The following VPS16 variants were observed in gnomAD, a reference collection of about 807,000 sequenced individuals.
VPS16 encodes VPS16 core subunit of CORVET and HOPS complexes, also known as vacuolar protein sorting-associated protein 16 homolog.
In VPS16, 82 loss-of-function variants were observed where a neutral mutation model predicts 116.0. That is an observed-to-expected ratio of 0.71 (90% CI 0.59 to 0.85). VPS16 has a LOEUF of 0.85. VPS16 is among the 40% of genes least tolerant of loss of function. The probability of loss-of-function intolerance (pLI) is 0.00; values close to 1 mark genes in which losing one functional copy is unlikely to be tolerated. For missense variants in VPS16, 928 were observed against 1,090.6 expected, an observed-to-expected ratio of 0.85 and a Z score of 2.10; for synonymous variants, 406 against 420.7, an observed-to-expected ratio of 0.96 and a Z score of 0.43.
rs74376700 is a variant in VPS16, at chr20:2,855,909, C to T, written c.54-3810C>T. On this transcript the variant is annotated intron_variant, in intron 1 of 23. Coordinates refer to ENST00000380445, the MANE Select transcript of VPS16 (RefSeq NM_022575.4). ...AGTTCACTAAAACTTTCTCCTTACCCGCAAAAAGGCTACTTTGCTTTCTTA... is the reference window on the plus strand; with the variant it reads ...AGTTCACTAAAACTTTCTCCTTACCTGCAAAAAGGCTACTTTGCTTTCTTA... Among the ~76,000 whole-genome samples the T allele has an allele frequency of 9.7e-3, 1,475 of 152,294 alleles. 27 individuals carry two copies. The highest frequency in any genetic ancestry group is 0.029 in the South Asian group (141 of 4,832).
chr20:2,846,110 C>T lies in VPS16; in HGVS notation c.53+5283C>T, dbSNP rs189301908. 4.6e-3 allele frequency among the ~76,000 whole-genome samples: 656 copies of T among 141,512 alleles called. 5 individuals are homozygous for T. The highest frequency in any genetic ancestry group is 0.017 in the African/African-American group (624 of 37,122). 92.8% of individuals were successfully genotyped at this position (141,512 alleles called of 152,430 possible). A position where few individuals can be genotyped will look rare whatever the true frequency, so the allele number is the denominator to read the frequency against. On this transcript the variant is annotated intron_variant, in intron 1 of 23. Transcript: ENST00000380445. The stretch of plus-strand genomic sequence containing the variant: ...TATCTATTCAATATTTTCTGTACTC[C>T]GCTTTTTTTTTTTTTTTTTTTTTTG...
rs755181472 is a variant in VPS16 at position 2,860,311 on chromosome 20, G to T, written c.313G>T (p.Ala105Ser). 1 of 1,614,108 alleles carries T rather than the reference G, an allele frequency of 6.2e-7. No individual in the cohort carries two copies. Among genetic ancestry groups the T allele is most frequent in the South Asian group, 1.1e-5 (1 of 91,074 alleles). The change falls in exon 4 of 24, where the codon GCT (alanine) becomes TCT (serine). Residue 105 changes from alanine to serine, a missense_variant. Coordinates refer to ENST00000380445, the MANE Select transcript of VPS16 (RefSeq NM_022575.4). This position sits in a 1 kb window ranked among gnomAD's most constrained non-coding sequence, Gnocchi z 6.1. ...EELLCVQEDGAVLVYGLHGDF... is the reference protein window; with the variant it reads ...EELLCVQEDGSVLVYGLHGDF... ...GCTGCTCTGTGTGCAGGAAGATGGT[G>T]CTGTACTGGTTTATGGGCTTCATGG...
At position 2,861,841 on chromosome 20, in the gene VPS16, G is replaced by C. The variant is rs1490321006; in HGVS notation, c.936G>C (p.Glu312Asp). The C allele has an allele frequency of 6.2e-7, 1 of 1,613,970 alleles. No homozygotes were observed. The highest frequency in any genetic ancestry group is 2.2e-5 in the East Asian group (1 of 44,870). Residue 312 changes from glutamate (E) to aspartate (D), a missense_variant, in exon 10 of 24, where the codon GAG (glutamate) becomes GAC (aspartate). By Grantham distance (45) the Glu-to-Asp change is conservative. Transcript: ENST00000380445. ...VLDEDSYLVPELDGVRIFSRS... is the reference protein window; with the variant it reads ...VLDEDSYLVPDLDGVRIFSRS... Reference sequence around the variant, plus strand: ...ATGAGGACTCCTACCTGGTGCCTGAGCTCGATGGGGTCCGCATCTTCTCCC... The same window carrying C: ...ATGAGGACTCCTACCTGGTGCCTGACCTCGATGGGGTCCGCATCTTCTCCC...
At chr20:2,857,759 G>A (rs955152208) in intron 1 of VPS16, among the ~76,000 whole-genome samples, 4 of 152,116 alleles carry the variant, frequency 2.6e-5, no homozygotes, top group African/African-American at 9.7e-5. Flanking sequence ...TCCCCAGGCT[G>A]GAGTGCAGTG....
Position 2,863,973 on chromosome 20 carries a change from G to A in VPS16, c.1501G>A (p.Glu501Lys), listed in dbSNP as rs768961353. 1.2e-6 allele frequency: 2 copies of A among 1,614,122 alleles called. No individual in the cohort carries two copies. Among genetic ancestry groups the A allele is most frequent in the South Asian group, 1.1e-5 (1 of 91,088 alleles). Reference sequence around the variant, plus strand: ...GGTGCAACAGAAGGATGTCTCAGATGAGGATGTGGCTCGAGCCATTAACCA... The same window carrying A: ...GGTGCAACAGAAGGATGTCTCAGATAAGGATGTGGCTCGAGCCATTAACCA... ...YKVQQKDVSD[E>K]DVARAINQKL... Residue 501 changes from glutamate (E) to lysine (K), a missense_variant, in exon 16 of 24, where the codon GAG becomes AAG. Coordinates refer to ENST00000380445, the MANE Select transcript of VPS16 (RefSeq NM_022575.4). This position sits in a 1 kb window ranked among gnomAD's most constrained non-coding sequence, Gnocchi z 4.4.
At chr20:2,866,098 T>G in intron 22 of VPS16, 114 bp from the exon 23 acceptor site, 1 of 876,390 alleles carries the variant, frequency 1.1e-6, no homozygotes, top group Non-Finnish European at 1.8e-6. Flanking sequence ...TACTGACGGG[T>G]GTATACATAT....
intron 11 of VPS16, 58 bp downstream of exon 11, chr20:2,862,188 C>A: frequency 1.9e-6 from 3 of 1,557,132 alleles, no homozygotes; most frequent in Non-Finnish European, 1.7e-6. Context: ...CCTGCGTGGG[C>A]ATGTGTGAGC....
chr20:2,842,748 A>ATATAGATAGATACATCTG (rs2089004140), intron 1 of VPS16, among the ~76,000 whole-genome samples: 1 of 106,374 alleles, frequency 9.4e-6, no homozygotes, highest in African/African-American at 4.2e-5. Context: ...AGATACATAT[A>ATATAGATAGATACATCTG]GATGTATCTA....
intron 2 of VPS16, 123 bp downstream of exon 2, chr20:2,859,930 T>G: frequency 6.7e-7 from 1 of 1,491,642 alleles, no homozygotes. Context: ...GCTGAGATGC[T>G]TTTACTTCTG....
chr20:2,852,308 A>C (rs1278688989), intron 1 of VPS16, among the ~76,000 whole-genome samples: 1 of 152,122 alleles, frequency 6.6e-6, no homozygotes, highest in Non-Finnish European at 1.5e-5. Flanking sequence ...CTGCTGAGAA[A>C]GCTTAACATG....
At position 2,866,234 on chromosome 20, in the gene VPS16, A is replaced by G. The variant is rs756671528; in HGVS notation, c.2294A>G (p.Lys765Arg). 1 of 1,613,904 alleles carries G rather than the reference A, an allele frequency of 6.2e-7. No homozygotes were observed. The highest frequency in any genetic ancestry group is 1.1e-5 in the South Asian group (1 of 91,060). Residue 765 changes from lysine to arginine, a missense_variant, in exon 23 of 24, where the codon AAA becomes AGA. Physicochemically the swap from Lys to Arg is conservative, Grantham distance 26. Transcript: ENST00000380445. ...AAGCCTTTTGTGGAGATCTGCATGA[A>G]ACAACATAACAAATACGAAGCCAAG... ...GYLPFVEICMKQHNKYEAKKY... is the reference protein window; with the variant it reads ...GYLPFVEICMRQHNKYEAKKY...
intron 23 of VPS16, 57 bp downstream of exon 23, chr20:2,866,372 G>T: frequency 6.2e-7 from 1 of 1,614,088 alleles, no homozygotes; most frequent in Non-Finnish European, 8.5e-7. Flanking sequence ...CTGGTGAGAG[G>T]CAGGGTTTGT....
intron 1 of VPS16, 178 bp downstream of exon 1, chr20:2,841,005 C>T: frequency 3.3e-6 from 2 of 614,112 alleles, no homozygotes; most frequent in Non-Finnish European, 5.6e-6. Flanking sequence ...CGGGCCTTCC[C>T]CTGCTCCAGA....
chr20:2,864,005 G>C lies in VPS16; in HGVS notation c.1533G>C (p.Leu511=). The change falls in exon 16 of 24, where the codon CTG becomes CTC. Residue 511 remains leucine (L), a synonymous_variant. Coordinates refer to ENST00000380445, the MANE Select transcript of VPS16 (RefSeq NM_022575.4). This position sits in a 1 kb window ranked among gnomAD's most constrained non-coding sequence, Gnocchi z 5.2. ...TGGCTCGAGCCATTAACCAGAAGCTGGGGGACACGCCTGGTGTCTCTTACT... is the reference window on the plus strand; with the variant it reads ...TGGCTCGAGCCATTAACCAGAAGCTCGGGGACACGCCTGGTGTCTCTTACT... ...EDVARAINQK[L]GDTPGVSYSD... 6.2e-7 allele frequency: 1 copy of C among 1,614,124 alleles called. No homozygotes were observed. The highest frequency in any genetic ancestry group is 1.1e-5 in the South Asian group (1 of 91,088).
chr20:2,843,156 G>C (rs1479898075), intron 1 of VPS16, among the ~76,000 whole-genome samples: 1 of 151,700 alleles, frequency 6.6e-6, no homozygotes, highest in Admixed American at 6.6e-5. Flanking sequence ...GCAATTGGCC[G>C]AGCGTGGTGG....
At position 2,862,752 on chromosome 20, in the gene VPS16, G is replaced by C. The variant is rs199966117; in HGVS notation, c.1203+42G>C. 624 of 1,611,220 alleles carry C rather than the reference G, an allele frequency of 3.9e-4. 1 individual carries two copies. The African/African-American group carries it at 6.9e-3, about 18-fold the overall frequency. On this transcript the variant is annotated intron_variant, in intron 12 of 23. Transcript: ENST00000380445. ...GGGCCGGGGAGGGTGGGGCTGGGAG[G>C]GGGTGGGATGGGCAGCAGGGAAGCT... is the stretch of plus-strand genomic sequence containing the variant.
chr20:2,850,903 G>C (rs555124428), intron 1 of VPS16, among the ~76,000 whole-genome samples: 1 of 148,766 alleles, frequency 6.7e-6, no homozygotes, highest in South Asian at 2.1e-4. Context: ...GCCCTGGGAG[G>C]TCATGGCTAC....
chr20:2,857,988 G>C (rs1188382694), intron 1 of VPS16, among the ~76,000 whole-genome samples: 3 of 152,072 alleles, frequency 2.0e-5, no homozygotes. Context: ...ATTTCCAATC[G>C]ATTCTTGCTA....
intron 11 of VPS16, 95 bp downstream of exon 11, chr20:2,862,225 G>A (rs1201599662): frequency 2.1e-6 from 3 of 1,431,706 alleles, no homozygotes; most frequent in African/African-American, 1.4e-5. Flanking sequence ...TGTCAAGAGA[G>A]GGGTCCAGGC....
Sources: allele counts gnomAD v4.1 joint callset (sites outside exome capture counted in the v4.1 genomes callset), GRCh38; gene constraint gnomAD v4.1.1; non-coding constraint Gnocchi (gnomAD v3.1); transcripts MANE v1.5; gene names NCBI Gene and HGNC (gene_info 2026-07-23, HGNC 2026-07-21).